The following FAM184B variants were observed in gnomAD, a reference collection of about 807,000 sequenced individuals.
FAM184B encodes the protein family with sequence similarity 184 member B.
In FAM184B, 111 loss-of-function variants were observed where a neutral mutation model predicts 135.9. That is an observed-to-expected ratio of 0.82 (90% CI 0.70 to 0.96). The LOEUF is 0.96. Among genes scored for constraint, FAM184B ranks in the 40% least tolerant of loss-of-function variants. The pLI, the probability that FAM184B is intolerant of heterozygous loss-of-function variation, is 0.00. For missense variants in FAM184B, 1,375 were observed against 1,323.9 expected (o/e 1.04, Z -0.60); for synonymous variants, 552 against 524.8 (o/e 1.05, Z -0.71).
At chr4:17,754,026 T>TA (rs1440331011) in intron 1 of FAM184B, among the ~76,000 whole-genome samples, 2 of 151,924 alleles carry the variant, frequency 1.3e-5, no homozygotes, top group Non-Finnish European at 2.9e-5. Flanking sequence ...ACACAAGATA[T>TA]AAAAAAATAA....
rs71167338 is a variant in FAM184B, at chr4:17,774,992, C to CTTTT, written c.141+6163_141+6166dup. Among the ~76,000 whole-genome samples the CTTTT allele has an allele frequency of 5.3e-3, 435 of 81,738 alleles. 1 individual carries two copies. The highest frequency in any genetic ancestry group is 0.014 in the East Asian group (34 of 2,516). 53.6% of individuals were successfully genotyped at this position (81,738 alleles called of 152,430 possible). On this transcript the variant is annotated intron_variant, in intron 1 of 17. Transcript: ENST00000265018. Reference sequence around the variant, plus strand: ...CCTAAGAATAAGATATTTTCCTTTTCTTTTTTTTTTTTTTTTTTTTTTTGA... The same window carrying CTTTT: ...CCTAAGAATAAGATATTTTCCTTTTCTTTTTTTTTTTTTTTTTTTTTTTTTTTGA...
intron 8 of FAM184B, among the ~76,000 whole-genome samples, chr4:17,662,992 G>GT (rs1347063416): frequency 6.6e-6 from 1 of 152,186 alleles, no homozygotes; most frequent in Non-Finnish European, 1.5e-5. Flanking sequence ...CTGGAGTACA[G>GT]TGGTGTGACC....
chr4:17,766,363 C>T (rs886508733), intron 1 of FAM184B, among the ~76,000 whole-genome samples: 13 of 152,188 alleles, frequency 8.5e-5, no homozygotes, highest in African/African-American at 2.9e-4. Flanking sequence ...CATTTACAAA[C>T]CTTGAGCTAG....
intron 10 of FAM184B, among the ~76,000 whole-genome samples, chr4:17,654,852 T>C (rs1051828701): frequency 1.4e-5 from 2 of 147,904 alleles, no homozygotes; most frequent in Non-Finnish European, 3.0e-5. Flanking sequence ...GCCAAATGTC[T>C]TTTTCTTTTT....
intron 10 of FAM184B, among the ~76,000 whole-genome samples, chr4:17,653,820 C>G (rs2108938284): frequency 7.9e-6 from 1 of 126,632 alleles, no homozygotes; most frequent in East Asian, 2.4e-4. Context: ...GGGAGATTAT[C>G]CTGAAATATC....
At chr4:17,746,577 A>G (rs1019339487) in intron 1 of FAM184B, among the ~76,000 whole-genome samples, 5 of 151,414 alleles carry the variant, frequency 3.3e-5, no homozygotes, top group African/African-American at 1.2e-4. Context: ...CTAAAAATAC[A>G]AAAAATTAGC....
intron 1 of FAM184B, among the ~76,000 whole-genome samples, chr4:17,736,829 A>C (rs568753506): frequency 5.6e-4 from 85 of 152,276 alleles, no homozygotes; most frequent in Middle Eastern, 3.4e-3. Context: ...CAGAAAACTC[A>C]TGGATGGTTC....
At chr4:17,656,074 C>G (rs988846653) in intron 10 of FAM184B, among the ~76,000 whole-genome samples, 27 of 152,290 alleles carry the variant, frequency 1.8e-4, no homozygotes, top group African/African-American at 6.5e-4. Context: ...TGTCCTTTCA[C>G]TTTCCTTTGG....
intron 1 of FAM184B, among the ~76,000 whole-genome samples, chr4:17,725,553 C>G (rs186829466): frequency 6.6e-6 from 1 of 152,110 alleles, no homozygotes; most frequent in African/African-American, 2.4e-5. Flanking sequence ...TTTAGGGTCA[C>G]GCACACTCCT....
chr4:17,771,971 C>T (rs1197233900), intron 1 of FAM184B, among the ~76,000 whole-genome samples: 2 of 152,168 alleles, frequency 1.3e-5, no homozygotes, highest in Non-Finnish European at 2.9e-5. Flanking sequence ...AGATGAGGAC[C>T]GTTGGCCCCT....
chr4:17,662,438 A>G (rs140174460), intron 8 of FAM184B, among the ~76,000 whole-genome samples: 2,403 of 152,140 alleles, frequency 0.016, 68 homozygotes, highest in East Asian at 0.092. Flanking sequence ...CCCAGGTTCA[A>G]GTGATTGTCC....
At chr4:17,676,093 T>C (rs529702045) in intron 7 of FAM184B, among the ~76,000 whole-genome samples, 2 of 152,360 alleles carry the variant, frequency 1.3e-5, no homozygotes, top group South Asian at 4.1e-4. Context: ...TCTCAAAGTT[T>C]TTGACATGCC....
chr4:17,659,558 C>T (rs112010347), intron 9 of FAM184B, among the ~76,000 whole-genome samples: 2,422 of 152,118 alleles, frequency 0.016, 38 homozygotes, highest in Middle Eastern at 0.037. Flanking sequence ...GCGATCTCGG[C>T]TCACTATAAC....
chr4:17,636,199 G>C (rs539132015), intron 15 of FAM184B, among the ~76,000 whole-genome samples: 44 of 152,118 alleles, frequency 2.9e-4, no homozygotes, highest in Non-Finnish European at 8.8e-5. Context: ...TCTGTCTCTC[G>C]GGTTCAAGTG....
intron 1 of FAM184B, among the ~76,000 whole-genome samples, chr4:17,778,908 A>G (rs193273426): frequency 3.8e-4 from 58 of 152,320 alleles, no homozygotes; most frequent in African/African-American, 1.3e-3. Flanking sequence ...CAGCAATAAA[A>G]AGATGGGAAG....
At chr4:17,722,700 C>T (rs1403269818) in intron 1 of FAM184B, among the ~76,000 whole-genome samples, 1 of 152,224 alleles carries the variant, frequency 6.6e-6, no homozygotes, top group Non-Finnish European at 1.5e-5. Context: ...GGCCTGGACT[C>T]TTTCCCAGGG....
chr4:17,636,941 G>A (rs1271163569), intron 14 of FAM184B, among the ~76,000 whole-genome samples: 1 of 152,226 alleles, frequency 6.6e-6, no homozygotes, highest in Non-Finnish European at 1.5e-5. Flanking sequence ...ACAGACCAGG[G>A]CAGGAAAATG....
In FAM184B at chr4:17,739,555, G is replaced by GTTTTTTTTTGTTTTT. The variant is rs1553841417; in HGVS notation, c.142-29912_142-29911insAAAAACAAAAAAAAA. On this transcript the variant is annotated intron_variant, in intron 1 of 17. Transcript: ENST00000265018. ...CCCTACACCATATGTCATACCAACTGTTTTTTTTTTTTTTTTGAGATGGGG... is the reference window on the plus strand; with the variant it reads ...CCCTACACCATATGTCATACCAACTGTTTTTTTTTGTTTTTTTTTTTTTTTTTTTTTGAGATGGGG... 6.4e-5 allele frequency among the ~76,000 whole-genome samples: 4 copies of GTTTTTTTTTGTTTTT among 62,510 alleles called. 2 individuals carry two copies. The highest frequency in any genetic ancestry group is 1.1e-4 in the Non-Finnish European group (4 of 36,468). The allele number at this position is 62,510 out of a possible 152,430, so 41.0% of individuals were successfully genotyped here.
intron 1 of FAM184B, among the ~76,000 whole-genome samples, chr4:17,732,485 T>C (rs923856032): frequency 6.6e-6 from 1 of 151,894 alleles, no homozygotes; most frequent in African/African-American, 2.4e-5. Context: ...ATAGATGCAA[T>C]AAAAAATGAT....
Sources: allele counts gnomAD v4.1 joint callset (sites outside exome capture counted in the v4.1 genomes callset), GRCh38; gene constraint gnomAD v4.1.1; transcripts MANE v1.5; gene names NCBI Gene and HGNC (gene_info 2026-07-23, HGNC 2026-07-21).